The following DNASE1 variants were observed in gnomAD, a reference collection of about 807,000 sequenced individuals.
The protein encoded by DNASE1 is deoxyribonuclease 1, also known as deoxyribonuclease-1.
In DNASE1, 40 loss-of-function variants were observed where a neutral mutation model predicts 33.9. The ratio of observed to expected loss-of-function variants is 1.18; its 90% CI spans 0.92 to 1.54. The LOEUF is 1.54. DNASE1 is among the 40% of genes most tolerant of loss of function. The pLI is 0.00. For synonymous variants in DNASE1, 216 were observed against 160.0 expected (o/e 1.35, Z -2.64); for missense variants, 518 against 372.6 (o/e 1.39, Z -3.21).
chr16:3,620,518 CAAAAA>C (rs747025420), intron 1 of DNASE1, among the ~76,000 whole-genome samples: 3 of 95,676 alleles, frequency 3.1e-5, no homozygotes, highest in Non-Finnish European at 4.3e-5. Flanking sequence ...GACCCTGTCT[CAAAAA>C]AAAAAAAAAA....
chr16:3,644,884 T>G (rs1298929371), intron 1 of DNASE1, among the ~76,000 whole-genome samples: 1 of 151,652 alleles, frequency 6.6e-6, no homozygotes, highest in Non-Finnish European at 1.5e-5. Flanking sequence ...ATCCCAGCAC[T>G]TTGGGAGGCC....
At chr16:3,661,268 A>C (rs2043056936), downstream of DNASE1, 1 of 152,168 alleles carries the variant, frequency 6.6e-6, no homozygotes, top group East Asian at 1.9e-4. Flanking sequence ...AAAAGAAAGA[A>C]ACTCAAAAGA....
chr16:3,630,983 A>G (rs1421421524), intron 1 of DNASE1, among the ~76,000 whole-genome samples: 3 of 152,010 alleles, frequency 2.0e-5, no homozygotes, highest in Non-Finnish European at 4.4e-5. Flanking sequence ...GGAAAGACTT[A>G]TGTCATTTTG....
intron 1 of DNASE1, among the ~76,000 whole-genome samples, chr16:3,633,557 G>A (rs985342038): frequency 2.6e-5 from 4 of 151,336 alleles, no homozygotes; most frequent in South Asian, 2.1e-4. Context: ...GCAGTGAGCC[G>A]AGATGGCGCC....
rs766980765 is a variant in DNASE1, at chr16:3,627,040, T to A, written c.-1358-13675T>A. On this transcript the variant is annotated intron_variant and NMD_transcript_variant, in intron 1 of 11. Coordinates refer to the DNASE1 transcript ENST00000570769. ...GCACATGCCACCATGCTTATTTAAATTTTTTTTTTTTTTTTGGTAGAGACA... is the reference window on the plus strand; with the variant it reads ...GCACATGCCACCATGCTTATTTAAAATTTTTTTTTTTTTTTGGTAGAGACA... 9.5e-4 allele frequency among the ~76,000 whole-genome samples: 134 copies of A among 141,084 alleles called. 2 individuals are homozygous for A. The highest frequency in any genetic ancestry group is 7.5e-3 in the Middle Eastern group (2 of 266). 92.6% of individuals were successfully genotyped at this position (141,084 alleles called of 152,430 possible).
chr16:3,641,632 C>G (rs979807587), upstream of DNASE1, among the ~76,000 whole-genome samples: 4 of 152,220 alleles, frequency 2.6e-5, no homozygotes, highest in African/African-American at 9.6e-5. Context: ...TCAGAAAACA[C>G]GAAGTGCTTT....
chr16:3,656,746 G>T lies in DNASE1; in HGVS notation c.429G>T (p.Arg143=). The T allele has an allele frequency of 6.2e-7, 1 of 1,607,006 alleles. No individual in the cohort carries two copies. Among genetic ancestry groups the T allele is most frequent in the Non-Finnish European group, 8.5e-7 (1 of 1,176,772 alleles). The change falls in exon 5 of 9, where the codon CGG becomes CGT. Residue 143 remains arginine (R), a synonymous_variant. Coordinates refer to ENST00000246949, the MANE Select transcript of DNASE1 (RefSeq NM_005223.4). Reference sequence around the variant, plus strand: ...CAGCCATTGTCAGGTTCTTCTCCCGGTTCACAGGTGGGTGCTGCCTGGGCC... The same window carrying T: ...CAGCCATTGTCAGGTTCTTCTCCCGTTTCACAGGTGGGTGCTGCCTGGGCC... ...REPAIVRFFS[R]FTEVREFAIV...
chr16:3,657,473 G>A (rs940497210), intron 7 of DNASE1, 132 bp downstream of exon 7: 2 of 1,346,974 alleles, frequency 1.5e-6, no homozygotes, highest in Admixed American at 2.3e-5. Context: ...CCACTACAGG[G>A]AACAGAATAA....
intron 1 of DNASE1, among the ~76,000 whole-genome samples, chr16:3,628,543 G>A (rs2041592510): frequency 6.6e-6 from 1 of 151,490 alleles, no homozygotes; most frequent in African/African-American, 2.4e-5. Flanking sequence ...TTCATTCAAT[G>A]TGCATTTCTG....
downstream of DNASE1, chr16:3,662,818 C>T: frequency 6.5e-7 from 1 of 1,540,680 alleles, no homozygotes; most frequent in Non-Finnish European, 9.0e-7. Context: ...CTGGGAGCCA[C>T]CAGCTGGCCA....
intron 1 of DNASE1, among the ~76,000 whole-genome samples, chr16:3,631,818 C>T (rs1327565067): frequency 5.9e-5 from 9 of 152,168 alleles, no homozygotes; most frequent in Admixed American, 4.6e-4. Context: ...CCACTGTACC[C>T]GGCCATGGAT....
intron 1 of DNASE1, among the ~76,000 whole-genome samples, chr16:3,623,520 A>C (rs1451289899): frequency 6.6e-6 from 1 of 152,238 alleles, no homozygotes; most frequent in Non-Finnish European, 1.5e-5. Context: ...ACAGCAAAAG[A>C]AATAACAGAG....
At chr16:3,641,096 A>G (rs2042011937), upstream of DNASE1, 2 of 397,438 alleles carry the variant, frequency 5.0e-6, no homozygotes, top group Admixed American at 4.4e-5. Flanking sequence ...GGCCCCATCC[A>G]CAGCTGCAGC....
At chr16:3,656,857 C>G in intron 5 of DNASE1, 104 bp downstream of exon 5, 1 of 1,542,402 alleles carries the variant, frequency 6.5e-7, no homozygotes, top group Non-Finnish European at 8.7e-7. Flanking sequence ...CCTCCCAGTC[C>G]CTGGGGCTTG....
Position 3,656,844 on chromosome 16 carries a change from T to G in DNASE1, c.436+91T>G, listed in dbSNP as rs1237221001. ...AACCTGGAATGCCTGTGTCACACACTGCCCTCCCAGTCCCTGGGGCTTGGG... is the reference window on the plus strand; with the variant it reads ...AACCTGGAATGCCTGTGTCACACACGGCCCTCCCAGTCCCTGGGGCTTGGG... On this transcript the variant is annotated intron_variant, in intron 5 of 8. Transcript: ENST00000246949. 2.0e-5 allele frequency: 31 copies of G among 1,540,264 alleles called. No individual in the cohort carries two copies. The South Asian group carries it at 3.4e-4, about 17-fold the overall frequency.
intron 1 of DNASE1, among the ~76,000 whole-genome samples, chr16:3,646,789 G>T (rs2042183887): frequency 6.6e-6 from 1 of 152,150 alleles, no homozygotes; most frequent in African/African-American, 2.4e-5. Flanking sequence ...AGTGATGACG[G>T]GTGGTATGGA....
In DNASE1 at chr16:3,655,832, T is replaced by C. The variant is rs2151217081; in HGVS notation, c.148-17T>C. The stretch of plus-strand genomic sequence containing the variant: ...TGGCACCAGCCCTGCTCAGCACCAC[T>C]GTGGCCCTGCCCCCAGATCCTGAGC... On this transcript the variant is annotated splice_polypyrimidine_tract_variant and intron_variant, in intron 2 of 8. Transcript: ENST00000246949. 6.2e-7 allele frequency: 1 copy of C among 1,612,954 alleles called. No homozygotes were observed. Among genetic ancestry groups the C allele is most frequent in the Non-Finnish European group, 8.5e-7 (1 of 1,179,782 alleles).
At chr16:3,622,251 C>A (rs1235968554) in intron 1 of DNASE1, among the ~76,000 whole-genome samples, 1 of 149,230 alleles carries the variant, frequency 6.7e-6, no homozygotes, top group Non-Finnish European at 1.5e-5. Context: ...GAATCAGTTT[C>A]CATTCCGTTA....
downstream of DNASE1, chr16:3,662,280 T>C (rs546761055): frequency 1.1e-5 from 10 of 943,964 alleles, no homozygotes; most frequent in African/African-American, 1.7e-4. Context: ...TCCCTCCCCA[T>C]TACCCACTAA....
Sources: gnomAD v4.1 joint callset for allele counts (sites outside exome capture counted in the v4.1 genomes callset) on GRCh38, gnomAD v4.1.1 for gene constraint, MANE v1.5 for transcripts, NCBI Gene and HGNC (gene_info 2026-07-23, HGNC 2026-07-21) for gene names.